ABCG5: variants seen among roughly 807,000 people sequenced by gnomAD.
ABCG5 encodes the protein ATP-binding cassette sub-family G member 5.
In ABCG5, 64 loss-of-function variants were observed where a neutral mutation model predicts 64.5. The observed-to-expected ratio is 0.99, with a 90% CI of 0.81 to 1.22. The LOEUF is 1.22. Ranked by LOEUF, ABCG5 falls within the 50% of genes most tolerant of loss-of-function variation. The probability of loss-of-function intolerance (pLI) is 0.00; values close to 1 mark genes in which losing one functional copy is unlikely to be tolerated. For missense variants in ABCG5, 908 were observed against 829.5 expected (o/e 1.09, Z -1.16); for synonymous variants, 385 against 326.3 (o/e 1.18, Z -1.94).
Position 43,828,318 on chromosome 2 carries a change from A to C in ABCG5, c.502-203T>G. 1.1e-5 allele frequency: 8 copies of C among 700,120 alleles called. No individual in the cohort carries two copies. The East Asian group carries it at 1.7e-4, about 15-fold the overall frequency. The allele number at this position is 700,120 out of a possible 1,614,324, so 43.4% of individuals were successfully genotyped here. On this transcript the variant is annotated intron_variant, in intron 4 of 12. Transcript: ENST00000405322. ...AAATCGTAATACATGTGTCAGATTT[A>C]AATAAATAATATGAATTTTTTAAAA...
At position 43,838,443 on chromosome 2, in the gene ABCG5, G is replaced by T; in HGVS notation, c.143+94C>A. 1 of 1,275,208 alleles carries T rather than the reference G, an allele frequency of 7.8e-7. No individual in the cohort carries two copies. Among genetic ancestry groups the T allele is most frequent in the East Asian group, 2.5e-5 (1 of 39,348 alleles). The allele number at this position is 1,275,208 out of a possible 1,614,324, so 79.0% of individuals were successfully genotyped here. ...CTAAAGAGGGAGCCCGAAGTGCCCA[G>T]ACTGGCACTTAAAGAGTGAAGAAAG... On this transcript the variant is annotated intron_variant, in intron 1 of 12. Coordinates refer to ENST00000405322, the MANE Select transcript of ABCG5 (RefSeq NM_022436.3). This position sits in a 1 kb window ranked among gnomAD's most constrained non-coding sequence, Gnocchi z 4.2.
At chr2:43,821,100 C>G (rs1254481386) in intron 10 of ABCG5, among the ~76,000 whole-genome samples, 1 of 152,064 alleles carries the variant, frequency 6.6e-6, no homozygotes, top group Non-Finnish European at 1.5e-5. Context: ...GTAGAGTAAG[C>G]AAAAAATGTT....
Position 43,838,764 on chromosome 2 carries a change from T to G in ABCG5, c.-85A>C, listed in dbSNP as rs892349127. The G allele has an allele frequency of 9.7e-5, 152 of 1,568,834 alleles. 1 individual carries two copies. Among genetic ancestry groups the G allele is most frequent in the Middle Eastern group, 1.7e-4 (1 of 5,962 alleles). ...TTCAGTTGGGGAGCCCGTGGCAGAC[T>G]GCCCTGCCTGCTCCACCTGACCCCG... On this transcript the variant is annotated 5_prime_UTR_variant, in exon 1 of 13. Coordinates refer to ENST00000405322, the MANE Select transcript of ABCG5 (RefSeq NM_022436.3). This position sits in a 1 kb window ranked among gnomAD's most constrained non-coding sequence, Gnocchi z 4.2.
intron 10 of ABCG5, chr2:43,822,486 C>CCA (rs1311662833): frequency 2.1e-6 from 2 of 932,846 alleles, no homozygotes; most frequent in African/African-American, 3.6e-5. Flanking sequence ...AGGCCCCCCC[C>CCA]CATGCACCTG....
the ABCG5 span, among the ~76,000 whole-genome samples, chr2:43,806,538 G>A: frequency 6.6e-6 from 1 of 152,208 alleles, no homozygotes; most frequent in Non-Finnish European, 1.5e-5. Flanking sequence ...ACAGGAAAAT[G>A]ACCTTATGTA....
intron 4 of ABCG5, among the ~76,000 whole-genome samples, chr2:43,831,440 T>C (rs1351035071): frequency 2.6e-5 from 4 of 152,366 alleles, no homozygotes; most frequent in Admixed American, 6.5e-5. Flanking sequence ...TCCAAAGTGC[T>C]GGGATTACAG....
At chr2:43,837,701 T>G in intron 2 of ABCG5, 133 bp downstream of exon 2, 4 of 1,244,582 alleles carry the variant, frequency 3.2e-6, no homozygotes, top group Non-Finnish European at 2.3e-6. Context: ...AGCAGTTCCA[T>G]TCACAGTCAG....
chr2:43,828,191 T>C, intron 4 of ABCG5, 76 bp from the exon 5 acceptor site: 1 of 1,604,980 alleles, frequency 6.2e-7, no homozygotes, highest in Non-Finnish European at 8.5e-7. Flanking sequence ...GGGGAGGACA[T>C]GAAAGAGGCA....
In ABCG5 at chr2:43,815,791, G is replaced by A. The variant is rs554077217; in HGVS notation, c.1650-1202C>T. The stretch of plus-strand genomic sequence containing the variant: ...AACAGCCATTTCAGGGCCTTGCTGT[G>A]AGTTGAGGTTGAATGACCATGAATG... On this transcript the variant is annotated intron_variant, in intron 11 of 12. Coordinates refer to ENST00000405322, the MANE Select transcript of ABCG5 (RefSeq NM_022436.3). 5.9e-5 allele frequency among the ~76,000 whole-genome samples: 9 copies of A among 151,600 alleles called. No homozygotes were observed. The South Asian group carries it at 1.9e-3, about 32-fold the overall frequency.
intron 10 of ABCG5, among the ~76,000 whole-genome samples, chr2:43,820,550 C>T (rs1008088437): frequency 2.6e-5 from 4 of 152,174 alleles, no homozygotes; most frequent in African/African-American, 9.7e-5. Flanking sequence ...TTATTGCCTA[C>T]GTGAAAATCC....
downstream of ABCG5, chr2:43,809,943 G>GA (rs1462155632): frequency 4.5e-6 from 6 of 1,331,214 alleles, no homozygotes; most frequent in African/African-American, 1.5e-5. Flanking sequence ...TTTTTAAAAG[G>GA]AAAAATTATT....
chr2:43,831,599 C>T lies in ABCG5; in HGVS notation c.501+170G>A, dbSNP rs184523660. On this transcript the variant is annotated intron_variant, in intron 4 of 12. Transcript: ENST00000405322. ...GTGACATTTCAAGTCTCCAAAGGCA[C>T]ATGTGACTAGGGGCAGCACAGGGTG... is the stretch of plus-strand genomic sequence containing the variant. 1.1e-4 allele frequency among the ~76,000 whole-genome samples: 16 copies of T among 152,340 alleles called. No individual in the cohort carries two copies. The East Asian group carries it at 3.1e-3, about 29-fold the overall frequency.
downstream of ABCG5, among the ~76,000 whole-genome samples, chr2:43,811,780 G>T (rs1367775444): frequency 6.6e-6 from 1 of 152,058 alleles, no homozygotes; most frequent in South Asian, 2.1e-4. Context: ...TTTTTTAGTA[G>T]AGACGGGGTT....
chr2:43,810,119 G>C (rs899425253), downstream of ABCG5: 40 of 392,414 alleles, frequency 1.0e-4, 1 homozygote, highest in Admixed American at 1.3e-4. Flanking sequence ...GCAAGGTTAA[G>C]TGCCCACGTT....
At chr2:43,832,245 A>T (rs1215536712) in intron 2 of ABCG5, 162 bp from the exon 3 acceptor site, 1 of 953,420 alleles carries the variant, frequency 1.0e-6, no homozygotes, top group African/African-American at 1.6e-5. Context: ...GCCCTGCCCT[A>T]TGGAACGCGC....
chr2:43,824,031 G>A lies in ABCG5; in HGVS notation c.1206C>T (p.Phe402=), dbSNP rs781675137. The change falls in exon 9 of 13, where the codon TTC becomes TTT. Residue 402 remains phenylalanine (F), a synonymous_variant. Transcript: ENST00000405322. ...CATTGCTTCGGACCCGCAGAACGAA[G>A]AAAAGGAGGAACAAACCCATGATCA... ...QNLIMGLFLL[F]FVLRVRSNVL... 3.1e-6 allele frequency: 5 copies of A among 1,614,094 alleles called. No homozygotes were observed. In the South Asian group the frequency reaches 4.4e-5, roughly 14 times the overall value.
downstream of ABCG5, among the ~76,000 whole-genome samples, chr2:43,808,628 G>T (rs867982817): frequency 3.4e-4 from 52 of 152,168 alleles, no homozygotes; most frequent in African/African-American, 1.2e-3. Flanking sequence ...TTTATGAATT[G>T]TAAAGGTAAG....
At chr2:43,807,643 T>G (rs138930814), downstream of ABCG5, among the ~76,000 whole-genome samples, 42 of 140,554 alleles carry the variant, frequency 3.0e-4, 1 homozygote, top group East Asian at 9.5e-3. Context: ...GGTCTTCAAC[T>G]CCTCGCCTAA....
chr2:43,811,447 G>T (rs1452598759), downstream of ABCG5, among the ~76,000 whole-genome samples: 1 of 152,110 alleles, frequency 6.6e-6, no homozygotes, highest in Admixed American at 6.5e-5. Context: ...TTCTTCACAA[G>T]TTAGGTCACA....
Sources: allele counts gnomAD v4.1 joint callset (sites outside exome capture counted in the v4.1 genomes callset), GRCh38; gene constraint gnomAD v4.1.1; non-coding constraint Gnocchi (gnomAD v3.1); transcripts MANE v1.5; gene names NCBI Gene and HGNC (gene_info 2026-07-23, HGNC 2026-07-21).